COL13A1: variants seen among roughly 807,000 people sequenced by gnomAD.
COL13A1 encodes collagen type XIII alpha 1 chain, also known as collagen alpha-1(XIII) chain.
A neutral mutation model predicts 130.9 loss-of-function variants in COL13A1; 89 were observed. The observed-to-expected ratio is 0.68, with a 90% CI of 0.57 to 0.81. COL13A1 has a LOEUF of 0.81. COL13A1 is among the 30% of genes least tolerant of loss of function. The probability of loss-of-function intolerance (pLI) is 0.00; values close to 1 mark genes in which losing one functional copy is unlikely to be tolerated. For synonymous variants in COL13A1, 402 were observed against 341.6 expected, an observed-to-expected ratio of 1.18 and a Z score of -1.95; for missense variants, 879 against 934.6, an observed-to-expected ratio of 0.94 and a Z score of 0.78.
chr10:69,831,458 A>C (rs184443380), intron 2 of COL13A1, among the ~76,000 whole-genome samples: 1 of 152,254 alleles, frequency 6.6e-6, no homozygotes, highest in East Asian at 1.9e-4. Context: ...CTAGAGCTAG[A>C]AAACTAACTC....
chr10:69,875,132 A>T lies in COL13A1; in HGVS notation c.404A>T (p.Asp135Val). 2 of 1,613,860 alleles carry T rather than the reference A, an allele frequency of 1.2e-6. No homozygotes were observed. Among genetic ancestry groups the T allele is most frequent in the Non-Finnish European group, 1.7e-6 (2 of 1,179,868 alleles). ...GPTGRPGLPG[D>V]KGAIGMPGRV... The stretch of plus-strand genomic sequence containing the variant: ...TTCTGCCTCCTTCATCATCAGGGGG[A>T]CAAAGGTGCCATTGGGATGCCTGGA... Residue 135 changes from aspartate (D) to valine (V), a missense_variant, in exon 5 of 41, where the codon GAC becomes GTC. By Grantham distance (152) the Asp-to-Val change is radical. Around this residue, in one of 3 missense-constraint regions of COL13A1, gnomAD observed 715 missense variants for 721.0 expected, o/e 0.99. Coordinates refer to ENST00000645393, the MANE Select transcript of COL13A1 (RefSeq NM_001368882.1).
At chr10:69,902,176 A>G (rs971493942) in intron 14 of COL13A1, among the ~76,000 whole-genome samples, 8 of 152,186 alleles carry the variant, frequency 5.3e-5, no homozygotes, top group African/African-American at 1.7e-4. Context: ...TTCAAATTTT[A>G]TATGTAAAGT....
chr10:69,940,584 A>G (rs1250747016), intron 34 of COL13A1, among the ~76,000 whole-genome samples: 1 of 152,138 alleles, frequency 6.6e-6, no homozygotes, highest in Non-Finnish European at 1.5e-5. Flanking sequence ...CCCCAGTGAA[A>G]CCTGTCCTGG....
intron 9 of COL13A1, 22 bp from the exon 10 acceptor site, chr10:69,889,392 A>G (rs377219250): frequency 2.6e-4 from 416 of 1,607,996 alleles, no homozygotes; most frequent in Middle Eastern, 3.3e-4. Context: ...TGCACCTGGT[A>G]CTCACCCTCT....
chr10:69,902,468 C>T (rs1427455790), intron 14 of COL13A1, among the ~76,000 whole-genome samples: 1 of 152,220 alleles, frequency 6.6e-6, no homozygotes, highest in African/African-American at 2.4e-5. Context: ...CACTCCTCTG[C>T]CTCTGCCCCC....
intron 14 of COL13A1, among the ~76,000 whole-genome samples, chr10:69,900,699 TAGC>T (rs2062099190): frequency 1.3e-5 from 2 of 152,250 alleles, no homozygotes; most frequent in South Asian, 4.1e-4. Flanking sequence ...ATGATGTGCT[TAGC>T]AGATGGTGTT....
At chr10:69,939,529 A>G (rs746753905) in intron 34 of COL13A1, among the ~76,000 whole-genome samples, 2 of 152,156 alleles carry the variant, frequency 1.3e-5, no homozygotes, top group Non-Finnish European at 2.9e-5. Flanking sequence ...TTTAGCTACC[A>G]TTCTGTTTCC....
At chr10:69,958,402 G>A (rs1363573339) in intron 40 of COL13A1, among the ~76,000 whole-genome samples, 3 of 152,206 alleles carry the variant, frequency 2.0e-5, no homozygotes, top group Admixed American at 6.5e-5. Context: ...CACACCTTAA[G>A]TCCAATCTGG....
chr10:69,807,344 C>T (rs1293200384), intron 1 of COL13A1, among the ~76,000 whole-genome samples: 1 of 152,196 alleles, frequency 6.6e-6, no homozygotes, highest in Non-Finnish European at 1.5e-5. Context: ...GTTAAGGAAT[C>T]TCCTGGGAGA....
intron 2 of COL13A1, among the ~76,000 whole-genome samples, chr10:69,858,967 G>A (rs897086624): frequency 3.3e-5 from 5 of 152,296 alleles, no homozygotes; most frequent in East Asian, 3.9e-4. Context: ...TAATAGTACC[G>A]AGACTGCCTG....
intron 21 of COL13A1, among the ~76,000 whole-genome samples, chr10:69,920,630 G>A (rs535167313): frequency 6.6e-5 from 10 of 152,304 alleles, no homozygotes; most frequent in African/African-American, 2.2e-4. Flanking sequence ...GTGAGAACAC[G>A]GCAAGAAAGC....
At chr10:69,822,468 G>T in intron 2 of COL13A1, 30 bp downstream of exon 2, 1 of 1,548,998 alleles carries the variant, frequency 6.5e-7, no homozygotes, top group Non-Finnish European at 8.7e-7. Context: ...GGTGACCGCG[G>T]ATGTTCCTAA....
At chr10:69,946,927 A>G (rs1021385195) in intron 37 of COL13A1, among the ~76,000 whole-genome samples, 1 of 152,102 alleles carries the variant, frequency 6.6e-6, no homozygotes, top group Non-Finnish European at 1.5e-5. Flanking sequence ...AGCTCAGACT[A>G]CAGGTGCCCA....
chr10:69,838,213 C>T (rs1564807973), intron 2 of COL13A1, among the ~76,000 whole-genome samples: 1 of 152,252 alleles, frequency 6.6e-6, no homozygotes, highest in Non-Finnish European at 1.5e-5. Flanking sequence ...GCTATACAGG[C>T]CTAGACAGGA....
intron 17 of COL13A1, among the ~76,000 whole-genome samples, chr10:69,908,841 T>C (rs1165425432): frequency 6.6e-6 from 1 of 152,218 alleles, no homozygotes; most frequent in Non-Finnish European, 1.5e-5. Context: ...GGATCATACT[T>C]TCTTTTGCAT....
chr10:69,890,958 C>CT (rs964870940), intron 10 of COL13A1, among the ~76,000 whole-genome samples: 5 of 152,298 alleles, frequency 3.3e-5, no homozygotes, highest in South Asian at 4.1e-4. Context: ...CCTTCCCTCC[C>CT]TTTTTTTATT....
intron 4 of COL13A1, among the ~76,000 whole-genome samples, chr10:69,873,529 G>A (rs992880264): frequency 2.4e-4 from 37 of 152,228 alleles, no homozygotes; most frequent in African/African-American, 8.9e-4. Flanking sequence ...GCTGCACATA[G>A]TTTCCAGTCC....
chr10:69,921,585 G>A (rs960529574), intron 21 of COL13A1, among the ~76,000 whole-genome samples: 3 of 152,204 alleles, frequency 2.0e-5, no homozygotes, highest in Non-Finnish European at 4.4e-5. Context: ...GATGCTTCTG[G>A]CCTTTGTTAT....
intron 2 of COL13A1, among the ~76,000 whole-genome samples, chr10:69,864,648 T>G (rs1014747549): frequency 6.6e-6 from 1 of 152,210 alleles, no homozygotes; most frequent in Admixed American, 6.5e-5. Context: ...TGAACGAACA[T>G]ACAAAAAGTG....
Sources: gnomAD v4.1 joint callset for allele counts (sites outside exome capture counted in the v4.1 genomes callset) on GRCh38, gnomAD v4.1.1 for gene constraint, gnomAD v4.1.1 regional missense constraint, MANE v1.5 for transcripts, NCBI Gene and HGNC (gene_info 2026-07-23, HGNC 2026-07-21) for gene names.